The following DAB1 variants were observed in gnomAD, a reference collection of about 807,000 sequenced individuals.
DAB1 encodes the protein DAB adaptor protein 1.
DAB1 carries 15 observed loss-of-function variants against 64.6 expected under a neutral mutation model. The observed-to-expected ratio is 0.23, with a 90% CI of 0.16 to 0.36. The LOEUF is 0.36. Among genes scored for constraint, DAB1 ranks in the 10% least tolerant of loss-of-function variants. The pLI is 1.00. For missense variants in DAB1, 596 were observed against 706.7 expected, an observed-to-expected ratio of 0.84 and a Z score of 1.78; for synonymous variants, 235 against 251.9, an observed-to-expected ratio of 0.93 and a Z score of 0.64.
At chr1:58,533,348 C>T (rs1230071419) in intron 1 of DAB1, among the ~76,000 whole-genome samples, 1 of 152,154 alleles carries the variant, frequency 6.6e-6, no homozygotes, top group East Asian at 1.9e-4. Flanking sequence ...AGTCATGTTA[C>T]TGTTTTTCTA....
chr1:58,152,818 A>G (rs1226001315), intron 4 of DAB1, among the ~76,000 whole-genome samples: 1 of 152,222 alleles, frequency 6.6e-6, no homozygotes, highest in African/African-American at 2.4e-5. Context: ...TTCAACATCT[A>G]TTAGCCAATA....
chr1:58,006,116 G>A (rs151300864), intron 5 of DAB1, among the ~76,000 whole-genome samples: 75 of 152,280 alleles, frequency 4.9e-4, no homozygotes, highest in African/African-American at 1.8e-3. Flanking sequence ...TTGGGGCCAT[G>A]TCCATTTCTG....
At chr1:57,199,049 A>G (rs185026800) in intron 2 of DAB1, among the ~76,000 whole-genome samples, 3 of 152,282 alleles carry the variant, frequency 2.0e-5, no homozygotes, top group Non-Finnish European at 2.9e-5. Flanking sequence ...TGGGAACTGC[A>G]TAGAGGAGAG....
At chr1:58,425,628 C>A (rs1644815365) in intron 3 of DAB1, among the ~76,000 whole-genome samples, 1 of 151,922 alleles carries the variant, frequency 6.6e-6, no homozygotes, top group Non-Finnish European at 1.5e-5. Flanking sequence ...GAGCCAGGGA[C>A]AGAATCAGAA....
intron 6 of DAB1, among the ~76,000 whole-genome samples, chr1:57,753,424 G>A (rs867232923): frequency 6.6e-5 from 10 of 152,260 alleles, no homozygotes; most frequent in African/African-American, 2.2e-4. Context: ...CATGGGCCTC[G>A]GAACCAGGAG....
At chr1:57,718,198 T>G (rs1156940655) in intron 6 of DAB1, among the ~76,000 whole-genome samples, 1 of 152,182 alleles carries the variant, frequency 6.6e-6, no homozygotes, top group Non-Finnish European at 1.5e-5. Context: ...TTAAGGTGAT[T>G]GATACAGTAA....
chr1:57,408,890 G>A (rs185101398), intron 1 of DAB1, among the ~76,000 whole-genome samples: 6 of 152,204 alleles, frequency 3.9e-5, no homozygotes, highest in African/African-American at 9.6e-5. Flanking sequence ...TTTCTTAGGC[G>A]CCCTTGTCAG....
At chr1:57,073,581 A>G (rs1651709960) in intron 4 of DAB1, among the ~76,000 whole-genome samples, 1 of 152,150 alleles carries the variant, frequency 6.6e-6, no homozygotes, top group Non-Finnish European at 1.5e-5. Context: ...TAAAGTCCTT[A>G]TAAAGAGCCT....
chr1:57,327,062 CTGAG>C (rs1676223557), intron 1 of DAB1, among the ~76,000 whole-genome samples: 1 of 152,180 alleles, frequency 6.6e-6, no homozygotes, highest in Admixed American at 6.5e-5. Flanking sequence ...CATCAGCCCC[CTGAG>C]TATCTGGGAC....
chr1:58,407,737 A>G (rs1339420385), intron 3 of DAB1, among the ~76,000 whole-genome samples: 8 of 152,232 alleles, frequency 5.3e-5, no homozygotes, highest in African/African-American at 1.9e-4. Flanking sequence ...TTACCCTGCA[A>G]TATCTTCCTA....
At chr1:58,443,029 A>G (rs1645029239) in intron 3 of DAB1, among the ~76,000 whole-genome samples, 2 of 152,234 alleles carry the variant, frequency 1.3e-5, no homozygotes, top group Admixed American at 1.3e-4. Context: ...TCAGAAGCCA[A>G]TTTTGAAGAA....
chr1:57,356,059 C>A (rs949050396), intron 1 of DAB1, among the ~76,000 whole-genome samples: 5 of 151,974 alleles, frequency 3.3e-5, no homozygotes, highest in African/African-American at 1.2e-4. Flanking sequence ...TATTTGCCTC[C>A]ACTGAAACAT....
chr1:57,934,488 G>T (rs932047720), intron 5 of DAB1, among the ~76,000 whole-genome samples: 4 of 152,208 alleles, frequency 2.6e-5, no homozygotes, highest in African/African-American at 9.6e-5. Context: ...GTATGCTTAT[G>T]TGCCAAGGAT....
intron 10 of DAB1, 33 bp from the exon 11 acceptor site, chr1:57,023,672 G>A: frequency 1.4e-6 from 2 of 1,412,144 alleles, no homozygotes; most frequent in Non-Finnish European, 2.0e-6. Flanking sequence ...GGACACATGA[G>A]ACCTGGCTTA....
intron 3 of DAB1, among the ~76,000 whole-genome samples, chr1:58,387,373 A>G (rs768502048): frequency 5.9e-5 from 9 of 152,220 alleles, no homozygotes; most frequent in Non-Finnish European, 1.0e-4. Flanking sequence ...AATGGAGTAC[A>G]GATGTTTATA....
At chr1:58,338,097 T>C (rs1164193029) in intron 4 of DAB1, among the ~76,000 whole-genome samples, 4 of 152,192 alleles carry the variant, frequency 2.6e-5, no homozygotes, top group African/African-American at 9.7e-5. Context: ...AAGTCACTCT[T>C]GAACACCTGG....
chr1:57,415,708 T>C (rs1233815470), intron 1 of DAB1, among the ~76,000 whole-genome samples: 1 of 152,200 alleles, frequency 6.6e-6, no homozygotes, highest in African/African-American at 2.4e-5. Flanking sequence ...TACCTAGAAC[T>C]TTCGTGAGTA....
intron 3 of DAB1, among the ~76,000 whole-genome samples, chr1:58,467,384 C>T (rs1340379918): frequency 2.6e-5 from 4 of 152,182 alleles, no homozygotes; most frequent in African/African-American, 7.2e-5. Context: ...TTAGGCTTTG[C>T]CGTCTGCACT....
chr1:57,634,382 GT>G (rs1271918171), intron 7 of DAB1, among the ~76,000 whole-genome samples: 6 of 152,170 alleles, frequency 3.9e-5, no homozygotes, highest in Non-Finnish European at 5.9e-5. Flanking sequence ...TTTCTAAGGT[GT>G]AAGTAATTGT....
Sources: allele counts gnomAD v4.1 joint callset (sites outside exome capture counted in the v4.1 genomes callset), GRCh38; gene constraint gnomAD v4.1.1; transcripts MANE v1.5; gene names NCBI Gene and HGNC (gene_info 2026-07-23, HGNC 2026-07-21).